ATP13A3: variants seen among roughly 807,000 people sequenced by gnomAD.
ATP13A3 encodes ATPase 13A3.
A neutral mutation model predicts 158.1 loss-of-function variants in ATP13A3; 59 were observed. The observed-to-expected ratio is 0.37, with a 90% CI of 0.30 to 0.46. ATP13A3 has a LOEUF of 0.46. Among genes scored for constraint, ATP13A3 ranks in the 20% least tolerant of loss-of-function variants. The pLI, the probability that ATP13A3 is intolerant of heterozygous loss-of-function variation, is 1.00. For missense variants in ATP13A3, 1,166 were observed against 1,525.2 expected, an observed-to-expected ratio of 0.76 and a Z score of 3.92; for synonymous variants, 491 against 504.3, an observed-to-expected ratio of 0.97 and a Z score of 0.35.
At position 194,461,788 on chromosome 3, in the gene ATP13A3, A is replaced by G. The variant is rs555039692; in HGVS notation, c.51+352T>C. 2.0e-5 allele frequency among the ~76,000 whole-genome samples: 3 copies of G among 152,288 alleles called. No individual in the cohort carries two copies. In the South Asian group the frequency reaches 6.2e-4, roughly 32 times the overall value. ...AGAGAAGTTGAAGTTGGCTTTTTTT[A>G]TTAAGCTGATTTTAGAAAATTTTTG... is the stretch of plus-strand genomic sequence containing the variant. On this transcript the variant is annotated intron_variant, in intron 3 of 33. Coordinates refer to ENST00000645319, the MANE Select transcript of ATP13A3 (RefSeq NM_001367549.1).
chr3:194,487,142 C>A (rs942933098), upstream of ATP13A3: 16 of 152,120 alleles, frequency 1.1e-4, no homozygotes, highest in African/African-American at 3.9e-4. Flanking sequence ...CCTTTGCCAC[C>A]CTCGAACGGG....
upstream of ATP13A3, chr3:194,487,999 G>A (rs1463294880): frequency 6.6e-6 from 1 of 152,316 alleles, no homozygotes; most frequent in Non-Finnish European, 1.5e-5. Flanking sequence ...ATCTCACCAG[G>A]GGCAGCACAC....
chr3:194,470,120 T>C (rs1462800231), intron 2 of ATP13A3, among the ~76,000 whole-genome samples: 1 of 152,158 alleles, frequency 6.6e-6, no homozygotes, highest in East Asian at 1.9e-4. Context: ...AGCTAAATTT[T>C]AACAAAGCTC....
rs753687565 is a variant in ATP13A3, at chr3:194,437,129, T to G, written c.2086A>C (p.Lys696Gln). 3.7e-6 allele frequency: 6 copies of G among 1,614,196 alleles called. No individual in the cohort carries two copies. In the Admixed American group the frequency reaches 6.7e-5, roughly 18 times the overall value. The change falls in exon 20 of 34, where the codon AAA (lysine) becomes CAA (glutamine). Residue 696 changes from lysine to glutamine, a missense_variant. Physicochemically the swap from Lys to Gln is moderately conservative, Grantham distance 53 (BLOSUM62 1). Coordinates refer to ENST00000645319, the MANE Select transcript of ATP13A3 (RefSeq NM_001367549.1). The part of the protein sequence containing the change: ...IALAHRKLES[K>Q]LTWHKVQNIS... ...TTCTGTACTTTATGCCATGTCAGTT[T>G]TGACTCCAATTTTCTGTGTGCAAGA...
At chr3:194,432,487 A>G (rs1443113944) in intron 21 of ATP13A3, among the ~76,000 whole-genome samples, 1 of 152,218 alleles carries the variant, frequency 6.6e-6, no homozygotes. Context: ...GAAGAGCGAG[A>G]TATTTCTTTC....
intron 2 of ATP13A3, among the ~76,000 whole-genome samples, chr3:194,463,643 TC>T (rs1719811219): frequency 6.6e-6 from 1 of 152,188 alleles, no homozygotes; most frequent in African/African-American, 2.4e-5. Flanking sequence ...ATACCTCTAC[TC>T]ATCTACCCAG....
chr3:194,424,133 C>T (rs571089893), intron 30 of ATP13A3, among the ~76,000 whole-genome samples: 1 of 151,894 alleles, frequency 6.6e-6, no homozygotes, highest in Admixed American at 6.6e-5. Context: ...GAAGGTTTTT[C>T]ATCCTGTAGC....
At chr3:194,411,255 T>C (rs1013078038) in intron 33 of ATP13A3, among the ~76,000 whole-genome samples, 1 of 152,134 alleles carries the variant, frequency 6.6e-6, no homozygotes, top group Non-Finnish European at 1.5e-5. Context: ...TAAAACTAAG[T>C]GGGTAACCCA....
intron 30 of ATP13A3, among the ~76,000 whole-genome samples, chr3:194,423,546 G>A (rs1004567585): frequency 6.6e-6 from 1 of 152,166 alleles, no homozygotes; most frequent in African/African-American, 2.4e-5. Context: ...TGCTCCTTTC[G>A]TACTTTTCAG....
chr3:194,427,826 A>C (rs767926833), intron 28 of ATP13A3, among the ~76,000 whole-genome samples: 35 of 152,146 alleles, frequency 2.3e-4, no homozygotes, highest in Non-Finnish European at 3.8e-4. Context: ...TCCTCTTACG[A>C]TATTCACAAT....
Position 194,409,124 on chromosome 3 carries a change from A to G in ATP13A3, c.3574-3008T>C, listed in dbSNP as rs141717612. Among the ~76,000 whole-genome samples, 740 of 152,354 alleles carry G rather than the reference A, an allele frequency of 4.9e-3. 3 individuals are homozygous for G. Among genetic ancestry groups the G allele is most frequent in the African/African-American group, 0.017 (712 of 41,572 alleles). On this transcript the variant is annotated intron_variant, in intron 33 of 33. Transcript: ENST00000645319. ...GAGAAGGAAAGAGGCTACCATGCATAGTTTAGCAGAGAAACTAAAAAGAAC... is the reference window on the plus strand; with the variant it reads ...GAGAAGGAAAGAGGCTACCATGCATGGTTTAGCAGAGAAACTAAAAAGAAC...
intron 2 of ATP13A3, among the ~76,000 whole-genome samples, chr3:194,479,482 A>G (rs537145155): frequency 6.6e-6 from 1 of 152,254 alleles, no homozygotes; most frequent in East Asian, 1.9e-4. Context: ...GAAACTACAG[A>G]TGAAAATTGT....
At position 194,447,974 on chromosome 3, in the gene ATP13A3, T is replaced by C. The variant is rs1718519666; in HGVS notation, c.1186A>G (p.Ile396Val). ...AAATCAGTTGGTTTGGGATACAATA[T>C]GGAACGAACAAGCTGTCCTTTGGAA... The part of the protein sequence containing the change: ...STSKGQLVRS[I>V]LYPKPTDFKL... The change falls in exon 13 of 34, where the codon ATA (isoleucine) becomes GTA (valine). Residue 396 changes from isoleucine to valine, a missense_variant. This residue lies in a region of ATP13A3 where 997 missense variants were observed against 1,341.2 expected (regional missense o/e 0.74). Transcript: ENST00000645319. 10 of 1,609,914 alleles carry C rather than the reference T, an allele frequency of 6.2e-6. No homozygotes were observed. Among genetic ancestry groups the C allele is most frequent in the Admixed American group, 1.7e-5 (1 of 59,974 alleles).
chr3:194,459,907 G>A lies in ATP13A3; in HGVS notation c.290C>T (p.Ser97Leu), dbSNP rs759753060. ...RVLSLETYPV[S>L]SPKSMSNKLS... is the part of the protein sequence containing the mutation. ...CTTATTAGACATAGATTTTGGACTT[G>A]AAACTGGGTAAGTTTCCAAAGAAAG... Residue 97 changes from serine to leucine, a missense_variant, in exon 5 of 34, where the codon TCA becomes TTA. Coordinates refer to ENST00000645319, the MANE Select transcript of ATP13A3 (RefSeq NM_001367549.1). 5 of 1,613,268 alleles carry A rather than the reference G, an allele frequency of 3.1e-6. No individual in the cohort carries two copies. The Admixed American group carries it at 8.3e-5, about 27-fold the overall frequency.
At chr3:194,444,985 A>G (rs926862841) in intron 14 of ATP13A3, among the ~76,000 whole-genome samples, 199 bp from the exon 15 acceptor site, 4 of 152,150 alleles carry the variant, frequency 2.6e-5, no homozygotes, top group African/African-American at 7.2e-5. Context: ...AAAGTGGGAG[A>G]GGGGGTGCAA....
upstream of ATP13A3, chr3:194,487,041 C>CGCGCGGAGGGCGGAGGG (rs1286041267): frequency 6.6e-6 from 1 of 150,900 alleles, no homozygotes; most frequent in African/African-American, 2.4e-5. Flanking sequence ...GCTTCATCCC[C>CGCGCGGAGGGCGGAGGG]GCGCGGAGGG....
intron 2 of ATP13A3, among the ~76,000 whole-genome samples, chr3:194,493,283 T>C (rs1261499968): frequency 5.3e-5 from 8 of 152,174 alleles, no homozygotes; most frequent in Admixed American, 5.2e-4. Flanking sequence ...TTGCACCTGA[T>C]GGATGACTGA....
chr3:194,407,806 T>A (rs1395862823), intron 33 of ATP13A3, among the ~76,000 whole-genome samples: 1 of 152,088 alleles, frequency 6.6e-6, no homozygotes, highest in East Asian at 1.9e-4. Flanking sequence ...CAGGAAAATA[T>A]TTAGCATTAA....
At chr3:194,492,589 G>A (rs1188565169) in intron 2 of ATP13A3, among the ~76,000 whole-genome samples, 1 of 151,896 alleles carries the variant, frequency 6.6e-6, no homozygotes, top group Non-Finnish European at 1.5e-5. Context: ...CAAGTAGCTG[G>A]GATTACAGGC....
Sources: gnomAD v4.1 joint callset for allele counts (sites outside exome capture counted in the v4.1 genomes callset) on GRCh38, gnomAD v4.1.1 for gene constraint, gnomAD v4.1.1 regional missense constraint, MANE v1.5 for transcripts, NCBI Gene and HGNC (gene_info 2026-07-23, HGNC 2026-07-21) for gene names.